MDGA2: variants seen among roughly 807,000 people sequenced by gnomAD.
The protein encoded by MDGA2 is MAM domain-containing glycosylphosphatidylinositol anchor protein 2.
In MDGA2, 40 loss-of-function variants were observed where a neutral mutation model predicts 117.8. The ratio of observed to expected loss-of-function variants is 0.34; its 90% CI spans 0.26 to 0.44. MDGA2 has a LOEUF of 0.44. MDGA2 is among the 20% of genes least tolerant of loss of function. The probability of loss-of-function intolerance (pLI) is 1.00; values close to 1 mark genes in which losing one functional copy is unlikely to be tolerated. For missense variants in MDGA2, 1,123 were observed against 1,250.6 expected (o/e 0.90, Z 1.54); for synonymous variants, 452 against 439.0 (o/e 1.03, Z -0.37).
At chr14:47,258,849 T>C (rs148648041) in intron 2 of MDGA2, among the ~76,000 whole-genome samples, 12 of 152,138 alleles carry the variant, frequency 7.9e-5, no homozygotes, top group Admixed American at 2.6e-4. Flanking sequence ...ACTGAGAAAT[T>C]TGCTCACATA....
At chr14:46,874,272 A>G (rs1473318732) in intron 12 of MDGA2, 72 bp from the exon 13 acceptor site, 1 of 747,152 alleles carries the variant, frequency 1.3e-6, no homozygotes, top group African/African-American at 1.8e-5. Flanking sequence ...CATAAGAAAA[A>G]TGTAAAATAT....
chr14:47,451,852 A>C (rs1893247765), intron 1 of MDGA2, among the ~76,000 whole-genome samples: 1 of 152,146 alleles, frequency 6.6e-6, no homozygotes, highest in African/African-American at 2.4e-5. Context: ...AAATATATAC[A>C]GGCAAAGAAG....
chr14:47,466,941 G>C (rs1053915613), intron 1 of MDGA2, among the ~76,000 whole-genome samples: 1 of 152,020 alleles, frequency 6.6e-6, no homozygotes, highest in African/African-American at 2.4e-5. Flanking sequence ...GTTGAAGAGA[G>C]AACAAGAAGG....
At position 47,122,012 on chromosome 14, in the gene MDGA2, G is replaced by A. The variant is rs576007346; in HGVS notation, c.925+9702C>T. Reference sequence around the variant, plus strand: ...CTAAACTTTGCTTGCATGGACCTTGGGGCTCAAGGGCAGCTGTGTACTTAT... The same window carrying A: ...CTAAACTTTGCTTGCATGGACCTTGAGGCTCAAGGGCAGCTGTGTACTTAT... On this transcript the variant is annotated intron_variant, in intron 5 of 16. Coordinates refer to ENST00000399232, the MANE Select transcript of MDGA2 (RefSeq NM_001113498.3). Among the ~76,000 whole-genome samples, 7 of 151,780 alleles carry A rather than the reference G, an allele frequency of 4.6e-5. No homozygotes were observed. In the East Asian group the frequency reaches 1.4e-3, roughly 30 times the overall value.
chr14:46,841,627 AT>A lies in MDGA2; in HGVS notation c.*303del, dbSNP rs34567649. On this transcript the variant is annotated 3_prime_UTR_variant, in exon 17 of 17. Coordinates refer to ENST00000399232, the MANE Select transcript of MDGA2 (RefSeq NM_001113498.3). ...TAGCTCTTTTTTTTTTCTTTTTTTC[AT>A]TTTTTTTTTTTTTTCCAGAGTTCAA... 0.012 allele frequency: 1,583 copies of A among 130,046 alleles called. 12 individuals are homozygous for A. The highest frequency in any genetic ancestry group is 0.031 in the African/African-American group (1,042 of 33,180). 8.1% of individuals were successfully genotyped at this position (130,046 alleles called of 1,614,324 possible).
chr14:47,625,093 G>A (rs1897116917), intron 1 of MDGA2, among the ~76,000 whole-genome samples: 1 of 152,094 alleles, frequency 6.6e-6, no homozygotes, highest in Non-Finnish European at 1.5e-5. Flanking sequence ...TAAACAGTTT[G>A]CCCTAGATTG....
intron 1 of MDGA2, among the ~76,000 whole-genome samples, chr14:47,381,313 C>A (rs2138417420): frequency 6.6e-6 from 1 of 152,254 alleles, no homozygotes; most frequent in East Asian, 1.9e-4. Flanking sequence ...GACAGGGATG[C>A]CCTCTCTCAC....
chr14:47,667,052 C>T (rs563993170), intron 1 of MDGA2, among the ~76,000 whole-genome samples: 19 of 152,284 alleles, frequency 1.2e-4, no homozygotes, highest in African/African-American at 4.6e-4. Context: ...GTAACATCAC[C>T]GCAAGGGTCC....
intron 1 of MDGA2, among the ~76,000 whole-genome samples, chr14:47,305,925 T>G (rs1165036628): frequency 3.3e-5 from 5 of 152,144 alleles, no homozygotes; most frequent in Non-Finnish European, 5.9e-5. Flanking sequence ...GAGATGCTCT[T>G]GGGAGCAAAA....
intron 3 of MDGA2, among the ~76,000 whole-genome samples, chr14:47,174,506 G>A (rs1019903733): frequency 1.1e-4 from 16 of 152,140 alleles, no homozygotes; most frequent in South Asian, 4.2e-4. Flanking sequence ...ACTCAAAACC[G>A]CTCAACAACA....
chr14:46,845,716 T>G (rs549263872), intron 16 of MDGA2, 50 bp downstream of exon 16: 2 of 1,091,560 alleles, frequency 1.8e-6, no homozygotes, highest in African/African-American at 3.2e-5. Context: ...AATTTAATAG[T>G]AATGTTACTT....
intron 7 of MDGA2, among the ~76,000 whole-genome samples, chr14:47,038,340 A>G (rs576685474): frequency 9.8e-5 from 15 of 152,326 alleles, no homozygotes; most frequent in African/African-American, 3.6e-4. Flanking sequence ...GTGTCAAAAG[A>G]TAGTATTTAT....
At chr14:46,967,951 A>G (rs1050128479) in intron 8 of MDGA2, among the ~76,000 whole-genome samples, 4 of 152,128 alleles carry the variant, frequency 2.6e-5, no homozygotes, top group Admixed American at 1.3e-4. Flanking sequence ...ATGCCGGGAA[A>G]GAGTGAGTGA....
intron 1 of MDGA2, among the ~76,000 whole-genome samples, chr14:47,646,132 G>A (rs560694967): frequency 5.0e-4 from 74 of 149,368 alleles, no homozygotes; most frequent in East Asian, 2.2e-3. Flanking sequence ...ACTACGTCAT[G>A]TAAACTTTCA....
At chr14:47,092,171 G>C (rs1273675232) in intron 6 of MDGA2, among the ~76,000 whole-genome samples, 1 of 152,126 alleles carries the variant, frequency 6.6e-6, no homozygotes, top group Non-Finnish European at 1.5e-5. Context: ...GACATGTGTG[G>C]TAGCAGTGAA....
rs59191576 is a variant in MDGA2 at position 47,034,729 on chromosome 14, T to TACAC, written c.1819+278_1819+281dup. On this transcript the variant is annotated intron_variant, in intron 8 of 16. Coordinates refer to ENST00000399232, the MANE Select transcript of MDGA2 (RefSeq NM_001113498.3). ...CCAGATAACACCATCATAATTATCA[T>TACAC]ACACACACACACACACACACACACA... 8.5e-4 allele frequency among the ~76,000 whole-genome samples: 125 copies of TACAC among 147,152 alleles called. 1 individual carries two copies. The highest frequency in any genetic ancestry group is 1.9e-3 in the African/African-American group (76 of 39,858).
At chr14:46,942,482 T>C (rs1885033408) in intron 9 of MDGA2, among the ~76,000 whole-genome samples, 1 of 152,106 alleles carries the variant, frequency 6.6e-6, no homozygotes, top group South Asian at 2.1e-4. Flanking sequence ...AAAATATATA[T>C]TGCTATGTAA....
chr14:47,291,298 A>T (rs2139774418), intron 2 of MDGA2, among the ~76,000 whole-genome samples: 1 of 152,260 alleles, frequency 6.6e-6, no homozygotes, highest in East Asian at 1.9e-4. Flanking sequence ...TCTGCACCCC[A>T]TTCTTAGTGA....
chr14:47,359,785 G>T (rs1376780588), intron 1 of MDGA2, among the ~76,000 whole-genome samples: 3 of 146,960 alleles, frequency 2.0e-5, no homozygotes, highest in Non-Finnish European at 4.5e-5. Flanking sequence ...AAAAAAACAT[G>T]ATGAAAGAAA....
Sources: allele counts gnomAD v4.1 joint callset (sites outside exome capture counted in the v4.1 genomes callset), GRCh38; gene constraint gnomAD v4.1.1; transcripts MANE v1.5; gene names NCBI Gene and HGNC (gene_info 2026-07-23, HGNC 2026-07-21).